The following ANXA6 variants were observed in gnomAD, a reference collection of about 807,000 sequenced individuals.
ANXA6 encodes the protein 67 kDa calelectrin.
ANXA6 carries 71 observed loss-of-function variants against 95.4 expected under a neutral mutation model. The ratio of observed to expected loss-of-function variants is 0.74; its 90% CI spans 0.61 to 0.91. The LOEUF is 0.91. ANXA6 is among the 40% of genes least tolerant of loss of function. The probability of loss-of-function intolerance (pLI) is 0.00; values close to 1 mark genes in which losing one functional copy is unlikely to be tolerated. For synonymous variants in ANXA6, 289 were observed against 315.9 expected (o/e 0.91, Z 0.90); for missense variants, 830 against 876.4 (o/e 0.95, Z 0.67).
intron 1 of ANXA6, among the ~76,000 whole-genome samples, chr5:151,153,219 C>CG (rs1262107739): frequency 6.6e-6 from 1 of 152,184 alleles, no homozygotes; most frequent in Non-Finnish European, 1.5e-5. Flanking sequence ...ATTTTTAATC[C>CG]AGCTTTCCAG....
At chr5:151,127,934 C>G (rs1164732874) in intron 13 of ANXA6, among the ~76,000 whole-genome samples, 1 of 152,132 alleles carries the variant, frequency 6.6e-6, no homozygotes, top group East Asian at 1.9e-4. Context: ...ACTGACTTTC[C>G]AAGTTCACAA....
chr5:151,138,111 T>C (rs1018157005), intron 5 of ANXA6, among the ~76,000 whole-genome samples: 11 of 152,222 alleles, frequency 7.2e-5, no homozygotes, highest in African/African-American at 2.4e-4. Flanking sequence ...ACAAAGATCA[T>C]AGCACTTTAT....
chr5:151,137,411 C>T, intron 5 of ANXA6, 90 bp from the exon 6 acceptor site: 1 of 978,374 alleles, frequency 1.0e-6, no homozygotes. Context: ...AGAGCTATGA[C>T]ACCCCAGGAC....
chr5:151,112,888 G>C (rs1764890371), intron 20 of ANXA6, among the ~76,000 whole-genome samples: 1 of 152,138 alleles, frequency 6.6e-6, no homozygotes, highest in Non-Finnish European at 1.5e-5. Flanking sequence ...AGTCATAAAA[G>C]CATAAATACT....
At chr5:151,110,749 C>A in intron 20 of ANXA6, 105 bp from the exon 21 acceptor site, 2 of 1,293,612 alleles carry the variant, frequency 1.5e-6, no homozygotes, top group Non-Finnish European at 2.2e-6. Context: ...AGGGGCCTGG[C>A]TGGGAGTGGG....
At chr5:151,103,841 G>T in intron 24 of ANXA6, 149 bp from the exon 25 acceptor site, 1 of 994,812 alleles carries the variant, frequency 1.0e-6, no homozygotes, top group Non-Finnish European at 1.4e-6. Context: ...AAACAGTCCT[G>T]ACCAAAATCC....
chr5:151,136,376 C>A (rs768343739), intron 6 of ANXA6, 41 bp from the exon 7 acceptor site: 159 of 1,596,280 alleles, frequency 1.0e-4, no homozygotes, highest in Middle Eastern at 5.0e-4. Context: ...TCCCCAGAGA[C>A]CTCAGGGATC....
At chr5:151,117,609 G>A (rs1467705959) in intron 19 of ANXA6, 149 bp downstream of exon 19, 9 of 684,242 alleles carry the variant, frequency 1.3e-5, no homozygotes, top group East Asian at 2.8e-5. Context: ...AGGGGTAGGC[G>A]GTGGAACTCT....
At chr5:151,128,882 T>C (rs370606545) in intron 12 of ANXA6, among the ~76,000 whole-genome samples, 2 of 149,602 alleles carry the variant, frequency 1.3e-5, no homozygotes, top group South Asian at 2.1e-4. Context: ...TTTGGAAACA[T>C]ACTTTGGAGA....
At chr5:151,126,365 G>A (rs758276003) in intron 14 of ANXA6, 37 bp downstream of exon 14, 6 of 1,554,160 alleles carry the variant, frequency 3.9e-6, no homozygotes, top group Non-Finnish European at 5.3e-6. Flanking sequence ...GAGAAGCTGT[G>A]GTCAAGAGGT....
At chr5:151,157,551 G>A (rs1298611483) in intron 1 of ANXA6, 129 bp downstream of exon 1, 1 of 152,740 alleles carries the variant, frequency 6.5e-6, no homozygotes, top group African/African-American at 2.4e-5. Context: ...GGGTTACCGC[G>A]CCCTCCCGTC....
intron 14 of ANXA6, among the ~76,000 whole-genome samples, chr5:151,125,825 C>A (rs905892427): frequency 1.3e-5 from 2 of 152,108 alleles, no homozygotes; most frequent in African/African-American, 2.4e-5. Flanking sequence ...GCCATGTTAA[C>A]CCCTCACTTT....
chr5:151,113,503 A>G (rs1764909417), intron 20 of ANXA6, among the ~76,000 whole-genome samples: 1 of 151,536 alleles, frequency 6.6e-6, no homozygotes, highest in Non-Finnish European at 1.5e-5. Context: ...TCATTTTTAA[A>G]AAGAGAGAGA....
chr5:151,149,179 CA>C (rs36120948), intron 1 of ANXA6, among the ~76,000 whole-genome samples: 121 of 47,288 alleles, frequency 2.6e-3, no homozygotes, highest in Non-Finnish European at 3.0e-3. Flanking sequence ...AGCCCTGTCT[CA>C]AAAAAAAAAA....
In ANXA6 at chr5:151,128,219, G is replaced by A. The variant is rs769015810; in HGVS notation, c.939C>T (p.Tyr313=). ...CAGACAGCTTCAGCAGAGTCTTCTT[G>A]TACTCGCCAGAGGTGTCATTCTGAA... The part of the protein sequence containing the change: ...SMIKNDTSGE[Y]KKTLLKLSGG... The change falls in exon 13 of 26, where the codon TAC becomes TAT. Residue 313 remains tyrosine (Y), a synonymous_variant. Coordinates refer to ENST00000354546, the MANE Select transcript of ANXA6 (RefSeq NM_001155.5). 1.9e-5 allele frequency: 31 copies of A among 1,611,824 alleles called. No individual in the cohort carries two copies. Among genetic ancestry groups the A allele is most frequent in the Admixed American group, 1.3e-4 (8 of 59,784 alleles).
At chr5:151,106,946 G>A (rs1451281149) in intron 23 of ANXA6, among the ~76,000 whole-genome samples, 1 of 152,178 alleles carries the variant, frequency 6.6e-6, no homozygotes, top group Non-Finnish European at 1.5e-5. Context: ...AGGAGAAAGG[G>A]AAGAGGGAAA....
At chr5:151,149,449 A>G (rs959251394) in intron 1 of ANXA6, among the ~76,000 whole-genome samples, 2 of 152,228 alleles carry the variant, frequency 1.3e-5, no homozygotes, top group African/African-American at 4.8e-5. Flanking sequence ...GAAGAGAAAC[A>G]AAGGACCACT....
At chr5:151,129,068 C>T (rs939477344) in intron 12 of ANXA6, among the ~76,000 whole-genome samples, 1 of 152,202 alleles carries the variant, frequency 6.6e-6, no homozygotes, top group African/African-American at 2.4e-5. Flanking sequence ...TCCCCTTTAA[C>T]CCTCATTTGT....
Position 151,122,708 on chromosome 5 carries a change from A to G in ANXA6, c.1233+209T>C, listed in dbSNP as rs114518434. On this transcript the variant is annotated intron_variant, in intron 16 of 25. Transcript: ENST00000354546. ...CTGAGTCCACTGAGCAACTCACACAAGTGTTGCCCATCACAAGGAACTGGG... is the reference window on the plus strand; with the variant it reads ...CTGAGTCCACTGAGCAACTCACACAGGTGTTGCCCATCACAAGGAACTGGG... 9.9e-3 allele frequency among the ~76,000 whole-genome samples: 1,511 copies of G among 152,268 alleles called. 14 individuals are homozygous for G. The highest frequency in any genetic ancestry group is 0.025 in the South Asian group (119 of 4,824).
Sources: gnomAD v4.1 joint callset for allele counts (sites outside exome capture counted in the v4.1 genomes callset) on GRCh38, gnomAD v4.1.1 for gene constraint, MANE v1.5 for transcripts, NCBI Gene and HGNC (gene_info 2026-07-23, HGNC 2026-07-21) for gene names.